OPCML: variants seen among roughly 807,000 people sequenced by gnomAD.
OPCML encodes opioid binding protein/cell adhesion molecule like.
In OPCML, 13 loss-of-function variants were observed where a neutral mutation model predicts 37.8. That is an observed-to-expected ratio of 0.34 (90% CI 0.22 to 0.55). OPCML has a LOEUF of 0.55. Ranked by LOEUF, OPCML falls within the 20% of genes least tolerant of loss-of-function variation. The pLI, the probability that OPCML is intolerant of heterozygous loss-of-function variation, is 0.91. For missense variants in OPCML, 341 were observed against 435.6 expected (o/e 0.78, Z 1.93); for synonymous variants, 176 against 168.8 (o/e 1.04, Z -0.33).
At chr11:133,386,754 T>C (rs1282440142) in intron 1 of OPCML, among the ~76,000 whole-genome samples, 4 of 152,192 alleles carry the variant, frequency 2.6e-5, no homozygotes, top group African/African-American at 4.8e-5. Context: ...CTTTCCTTTT[T>C]GTCTTTCCTG....
intron 2 of OPCML, among the ~76,000 whole-genome samples, chr11:132,757,016 G>A (rs1038256002): frequency 3.3e-5 from 5 of 151,854 alleles, no homozygotes; most frequent in Admixed American, 1.3e-4. Context: ...TGTTCTCATT[G>A]TTCAACTCCC....
intron 1 of OPCML, among the ~76,000 whole-genome samples, chr11:133,249,715 G>A (rs1941063426): frequency 6.6e-6 from 1 of 152,218 alleles, no homozygotes. Context: ...CACTGCCTGT[G>A]AAGATGTGAT....
intron 1 of OPCML, among the ~76,000 whole-genome samples, chr11:133,478,915 T>G (rs1413365868): frequency 6.6e-6 from 1 of 152,046 alleles, no homozygotes; most frequent in Non-Finnish European, 1.5e-5. Context: ...AAGAAACAAG[T>G]CACGCCATCC....
chr11:133,436,117 A>C lies in OPCML; in HGVS notation c.61+96147T>G, dbSNP rs143657147. ...GTAGTAGATGAGTTTTAAAACTAGC[A>C]ATAAATTGTTCATTCTCAAATTTAA... On this transcript the variant is annotated intron_variant, in intron 1 of 7. Coordinates refer to ENST00000524381, the MANE Select transcript of OPCML (RefSeq NM_001012393.5). 4.8e-3 allele frequency among the ~76,000 whole-genome samples: 731 copies of C among 152,278 alleles called. 7 individuals are homozygous for C. The highest frequency in any genetic ancestry group is 0.02 in the Middle Eastern group (6 of 294).
At chr11:132,536,708 A>G (rs969877733) in intron 3 of OPCML, among the ~76,000 whole-genome samples, 2 of 152,240 alleles carry the variant, frequency 1.3e-5, no homozygotes, top group South Asian at 2.1e-4. Flanking sequence ...GCATTTTAAT[A>G]GAAATGTTTA....
intron 1 of OPCML, among the ~76,000 whole-genome samples, chr11:133,022,003 T>C (rs1356765094): frequency 1.3e-5 from 2 of 152,170 alleles, no homozygotes; most frequent in African/African-American, 4.8e-5. Flanking sequence ...AGTTAAGTCC[T>C]GAATGAGAGA....
At chr11:132,621,684 T>C (rs1375841475) in intron 3 of OPCML, among the ~76,000 whole-genome samples, 1 of 152,198 alleles carries the variant, frequency 6.6e-6, no homozygotes, top group East Asian at 1.9e-4. Flanking sequence ...TTGATCTGCA[T>C]AGTGTTTGTA....
intron 2 of OPCML, among the ~76,000 whole-genome samples, chr11:132,675,526 T>C (rs1009263075): frequency 6.6e-6 from 1 of 151,940 alleles, no homozygotes; most frequent in African/African-American, 2.4e-5. Flanking sequence ...ATCTTACATA[T>C]AGAAAATCAT....
At chr11:133,305,767 A>C (rs1339273300) in intron 1 of OPCML, among the ~76,000 whole-genome samples, 1 of 152,184 alleles carries the variant, frequency 6.6e-6, no homozygotes, top group Non-Finnish European at 1.5e-5. Context: ...TCAGAGCAGA[A>C]GTCTTTTTCT....
chr11:133,484,606 T>C (rs1055269755), intron 1 of OPCML, among the ~76,000 whole-genome samples: 1 of 152,164 alleles, frequency 6.6e-6, no homozygotes, highest in Non-Finnish European at 1.5e-5. Context: ...ACTTTTCAAA[T>C]TCATTTATAA....
At chr11:133,072,058 C>T (rs1027963666) in intron 1 of OPCML, among the ~76,000 whole-genome samples, 3 of 152,064 alleles carry the variant, frequency 2.0e-5, no homozygotes, top group Non-Finnish European at 2.9e-5. Flanking sequence ...ACTTGTTTAC[C>T]GTACTCAGAC....
chr11:132,767,511 A>G (rs985233751), intron 2 of OPCML, among the ~76,000 whole-genome samples: 5 of 152,138 alleles, frequency 3.3e-5, no homozygotes, highest in Non-Finnish European at 5.9e-5. Context: ...CATTACCCAG[A>G]CTTCTCCACT....
chr11:133,289,020 G>C lies in OPCML; in HGVS notation c.61+243244C>G, dbSNP rs568721176. 2.0e-5 allele frequency among the ~76,000 whole-genome samples: 3 copies of C among 152,274 alleles called. No individual in the cohort carries two copies. In the South Asian group the frequency reaches 6.2e-4, roughly 32 times the overall value. On this transcript the variant is annotated intron_variant, in intron 1 of 7. Transcript: ENST00000524381. ...TAGAACACAGTCACAGACATGCAGG[G>C]AGAAACTGAGGGCCCTGGGACATGG... is the stretch of plus-strand genomic sequence containing the variant.
intron 1 of OPCML, among the ~76,000 whole-genome samples, chr11:133,410,359 A>G (rs1945619628): frequency 6.6e-6 from 1 of 152,062 alleles, no homozygotes; most frequent in Non-Finnish European, 1.5e-5. Flanking sequence ...GTCTTGGTAC[A>G]CTTATTTTTG....
chr11:132,942,713 G>A (rs184957822), intron 2 of OPCML, among the ~76,000 whole-genome samples: 2 of 152,298 alleles, frequency 1.3e-5, no homozygotes, highest in East Asian at 1.9e-4. Context: ...CAAGGTTCAC[G>A]CATAAGATCC....
At chr11:132,692,398 T>C (rs1292153673) in intron 2 of OPCML, among the ~76,000 whole-genome samples, 2 of 152,174 alleles carry the variant, frequency 1.3e-5, no homozygotes, top group African/African-American at 2.4e-5. Context: ...CTTTTGGGAC[T>C]TGGCAGTTTT....
chr11:132,675,113 G>A (rs1034410197), intron 2 of OPCML, among the ~76,000 whole-genome samples: 7 of 151,182 alleles, frequency 4.6e-5, no homozygotes, highest in African/African-American at 7.3e-5. Flanking sequence ...TCAGTGGTTC[G>A]GATTTTGCCA....
At chr11:133,420,414 C>T in intron 1 of OPCML, 1 of 985,398 alleles carries the variant, frequency 1.0e-6, no homozygotes, top group Non-Finnish European at 1.2e-6. Flanking sequence ...TTGTTCAATG[C>T]AGTATATCAG....
intron 1 of OPCML, among the ~76,000 whole-genome samples, chr11:133,238,832 C>A (rs1015212618): frequency 1.3e-5 from 2 of 152,204 alleles, no homozygotes; most frequent in Non-Finnish European, 1.5e-5. Flanking sequence ...AGATGAAATG[C>A]GCTACATAAA....
Sources: gnomAD v4.1 joint callset for allele counts (sites outside exome capture counted in the v4.1 genomes callset) on GRCh38, gnomAD v4.1.1 for gene constraint, MANE v1.5 for transcripts, NCBI Gene and HGNC (gene_info 2026-07-23, HGNC 2026-07-21) for gene names.